Variants in LRRC37A3 observed in about 807,000 individuals in gnomAD.
LRRC37A3 encodes the protein leucine-rich repeat-containing protein 37A3.
Under a neutral mutation model 106.2 loss-of-function variants are expected in LRRC37A3, and 25 were observed. That is an observed-to-expected ratio of 0.24 (90% confidence interval 0.17 to 0.33). The LOEUF (loss-of-function observed/expected upper bound fraction) is 0.33, where lower values mean the gene tolerates loss of function less well. Among genes scored for constraint, LRRC37A3 ranks in the 10% least tolerant of loss-of-function variants. The probability of loss-of-function intolerance (pLI) is 1.00; values close to 1 mark genes in which losing one functional copy is unlikely to be tolerated. For missense variants in LRRC37A3, 712 were observed against 1,644.9 expected (o/e 0.43, Z 9.81); for synonymous variants, 305 against 635.8 (o/e 0.48, Z 7.83).
rs1488377776 is a variant in LRRC37A3, at chr17:64,874,904, C to T, written c.2907-5738G>A. 5.3e-5 allele frequency among the ~76,000 whole-genome samples: 8 copies of T among 151,726 alleles called. No individual in the cohort carries two copies. In the East Asian group the frequency reaches 9.6e-4, roughly 18 times the overall value. On this transcript the variant is annotated intron_variant, in intron 8 of 14. Transcript: ENST00000584306. ...AACAGATGCTTGAAGGCAGCATGCT[C>T]GTTAAGAGTCATCACCACTCCCTAA...
intron 10 of LRRC37A3, among the ~76,000 whole-genome samples, chr17:64,866,621 TATATA>T (rs1459202331): frequency 4.0e-4 from 10 of 25,278 alleles, no homozygotes; most frequent in African/African-American, 1.1e-3. Context: ...TATATATATA[TATATA>T]TATTTTTTTT....
chr17:64,880,623 T>C (rs190925840), intron 8 of LRRC37A3, among the ~76,000 whole-genome samples: 3,347 of 152,278 alleles, frequency 0.022, 142 homozygotes, highest in African/African-American at 0.077. Flanking sequence ...AGAGTAAAAG[T>C]TTAAGAAGTA....
intron 13 of LRRC37A3, among the ~76,000 whole-genome samples, chr17:64,858,504 G>C (rs542640758): frequency 1.3e-5 from 2 of 152,284 alleles, no homozygotes; most frequent in Admixed American, 1.3e-4. Flanking sequence ...ACATAGTTTT[G>C]GGTGGGAGAA....
At chr17:64,868,355 T>A in intron 10 of LRRC37A3, 107 bp downstream of exon 10, 1 of 781,774 alleles carries the variant, frequency 1.3e-6, no homozygotes, top group African/African-American at 1.8e-5. Flanking sequence ...AAAGCGTGAA[T>A]GTTACTATAT....
rs1253177987 is a variant in LRRC37A3 at position 64,906,592 on chromosome 17, GCA to G, written c.-495-8135_-495-8134del. ...ATTCTTTTTTCATTCCCAGAACAAA[GCA>G]CAGTTCTTGGCATACAATACAGGAT... On this transcript the variant is annotated intron_variant, in intron 2 of 14. Coordinates refer to ENST00000584306, the MANE Select transcript of LRRC37A3 (RefSeq NM_199340.5). Among the ~76,000 whole-genome samples, 1,181 of 134,188 alleles carry G rather than the reference GCA, an allele frequency of 8.8e-3. 12 individuals are homozygous for G. The highest frequency in any genetic ancestry group is 0.032 in the African/African-American group (1,119 of 34,920). 88.0% of individuals were successfully genotyped at this position (134,188 alleles called of 152,430 possible).
Position 64,854,383 on chromosome 17 carries a change from T to A in LRRC37A3, c.*216A>T. 1.4e-6 allele frequency: 1 copy of A among 714,336 alleles called. No individual in the cohort carries two copies. The highest frequency in any genetic ancestry group is 2.3e-6 in the Non-Finnish European group (1 of 427,936). The allele number at this position is 714,336 out of a possible 1,614,324, so 44.2% of individuals were successfully genotyped here. ...AAGGGAGAGGGCACCAAAAACAATGTTATTTAATTGTAAAATCTCCACCCC... is the reference window on the plus strand; with the variant it reads ...AAGGGAGAGGGCACCAAAAACAATGATATTTAATTGTAAAATCTCCACCCC... On this transcript the variant is annotated 3_prime_UTR_variant, in exon 15 of 15. Coordinates refer to ENST00000584306, the MANE Select transcript of LRRC37A3 (RefSeq NM_199340.5).
At chr17:64,854,898 T>C (rs1208879480) in intron 14 of LRRC37A3, among the ~76,000 whole-genome samples, 1 of 152,184 alleles carries the variant, frequency 6.6e-6, no homozygotes, top group Non-Finnish European at 1.5e-5. Flanking sequence ...AGTGCAATGG[T>C]GCTATCGTGG....
At chr17:64,917,666 C>A (rs1199247202) in intron 2 of LRRC37A3, among the ~76,000 whole-genome samples, 1 of 151,998 alleles carries the variant, frequency 6.6e-6, no homozygotes, top group Admixed American at 6.5e-5. Context: ...AATTAAAATA[C>A]CTATTTAAAA....
intron 11 of LRRC37A3, among the ~76,000 whole-genome samples, chr17:64,862,011 T>G (rs1225134592): frequency 6.6e-6 from 1 of 152,036 alleles, no homozygotes; most frequent in African/African-American, 2.4e-5. Flanking sequence ...GCTACAGCAC[T>G]TAGCACCTCT....
chr17:64,899,356 G>C (rs1954319104), intron 2 of LRRC37A3, among the ~76,000 whole-genome samples: 1 of 146,816 alleles, frequency 6.8e-6, no homozygotes, highest in South Asian at 2.1e-4. Context: ...GGAGGTGGAG[G>C]TTGCAATGAG....
At chr17:64,871,200 CCTT>C (rs780421193) in intron 8 of LRRC37A3, among the ~76,000 whole-genome samples, 8 of 151,492 alleles carry the variant, frequency 5.3e-5, no homozygotes, top group Non-Finnish European at 1.2e-4. Context: ...TGCCTTTCAA[CCTT>C]CTTCTACTCC....
chr17:64,890,621 C>T (rs1973926165), intron 5 of LRRC37A3, among the ~76,000 whole-genome samples: 2 of 122,900 alleles, frequency 1.6e-5, no homozygotes, highest in East Asian at 4.6e-4. Context: ...CACCCACGGT[C>T]ATGAGTTTGA....
chr17:64,866,933 A>C (rs185320340), intron 10 of LRRC37A3, among the ~76,000 whole-genome samples: 1 of 150,260 alleles, frequency 6.7e-6, no homozygotes, highest in Non-Finnish European at 1.5e-5. Context: ...CCTGGGGAAC[A>C]TACTGAGACC....
intron 8 of LRRC37A3, among the ~76,000 whole-genome samples, chr17:64,873,099 A>T (rs1002008138): frequency 3.3e-5 from 5 of 151,652 alleles, no homozygotes; most frequent in Non-Finnish European, 5.9e-5. Context: ...AGTTCAGAAA[A>T]GTCACTAAAT....
chr17:64,910,381 T>C (rs1280182154), intron 2 of LRRC37A3, among the ~76,000 whole-genome samples: 1 of 152,004 alleles, frequency 6.6e-6, no homozygotes, highest in Non-Finnish European at 1.5e-5. Flanking sequence ...GCTCATCTGT[T>C]GACTCCTTTA....
intron 8 of LRRC37A3, among the ~76,000 whole-genome samples, chr17:64,870,628 G>A (rs1973279401): frequency 6.6e-6 from 1 of 152,098 alleles, no homozygotes; most frequent in Non-Finnish European, 1.5e-5. Context: ...GGAAACTGAG[G>A]CACAGAGAGG....
intron 11 of LRRC37A3, among the ~76,000 whole-genome samples, chr17:64,861,526 C>G (rs1972871345): frequency 6.6e-6 from 1 of 152,216 alleles, no homozygotes; most frequent in Non-Finnish European, 1.5e-5. Context: ...GCTCCACCCA[C>G]CCCATTCTCT....
At chr17:64,900,368 G>GCCC (rs1974276226) in intron 2 of LRRC37A3, among the ~76,000 whole-genome samples, 3 of 113,120 alleles carry the variant, frequency 2.7e-5, no homozygotes, top group Non-Finnish European at 5.1e-5. Context: ...CACTCTTGTT[G>GCCC]CCCAGGCTGG....
intron 13 of LRRC37A3, among the ~76,000 whole-genome samples, chr17:64,858,037 C>A (rs912806241): frequency 1.3e-5 from 2 of 152,176 alleles, no homozygotes; most frequent in African/African-American, 4.8e-5. Flanking sequence ...CTCCAGGAAT[C>A]GGCACTGTAA....
Sources: gnomAD v4.1 joint callset for allele counts (sites outside exome capture counted in the v4.1 genomes callset) on GRCh38, gnomAD v4.1.1 for gene constraint, MANE v1.5 for transcripts, NCBI Gene and HGNC (gene_info 2026-07-23, HGNC 2026-07-21) for gene names.